Variants in AZI2 observed in about 807,000 individuals in gnomAD.
AZI2 encodes the protein 5-azacytidine induced 2, also known as 5-azacytidine-induced protein 2.
AZI2 carries 22 observed loss-of-function variants against 45.8 expected under a neutral mutation model. The ratio of observed to expected loss-of-function variants is 0.48; its 90% CI spans 0.34 to 0.69. The LOEUF is 0.69. Ranked by LOEUF, AZI2 falls within the 30% of genes least tolerant of loss-of-function variation. The pLI is 0.01. For missense variants in AZI2, 417 were observed against 441.5 expected (o/e 0.94, Z 0.50); for synonymous variants, 137 against 156.7 (o/e 0.87, Z 0.94).
At chr3:28,343,216 G>C (rs1030930178) in intron 1 of AZI2, among the ~76,000 whole-genome samples, 10 of 151,976 alleles carry the variant, frequency 6.6e-5, no homozygotes, top group Non-Finnish European at 1.5e-4. Flanking sequence ...GGTTTTCAAA[G>C]AAGATACCAC....
At position 28,340,264 on chromosome 3, in the gene AZI2, A is replaced by G. The variant is rs1440309553; in HGVS notation, c.216+138T>C. The G allele has an allele frequency of 1.8e-5, 11 of 623,172 alleles. 1 individual carries two copies. In the East Asian group the frequency reaches 3.1e-4, roughly 18 times the overall value. The allele number at this position is 623,172 out of a possible 1,614,324, so 38.6% of individuals were successfully genotyped here. A position where few individuals can be genotyped will look rare whatever the true frequency, so the allele number is the denominator to read the frequency against. On this transcript the variant is annotated intron_variant, in intron 2 of 7. Coordinates refer to ENST00000479665, the MANE Select transcript of AZI2 (RefSeq NM_022461.5). ...AACACAGGATAAGTATAATGCCCAGAGTTTTCAGATTAGCAGTGAGTTATT... is the reference window on the plus strand; with the variant it reads ...AACACAGGATAAGTATAATGCCCAGGGTTTTCAGATTAGCAGTGAGTTATT...
Position 28,337,932 on chromosome 3 carries a change from C to A in AZI2, c.439+5G>T. 1 of 1,510,278 alleles carries A rather than the reference C, an allele frequency of 6.6e-7. No individual in the cohort carries two copies. The highest frequency in any genetic ancestry group is 9.0e-7 in the Non-Finnish European group (1 of 1,114,284). 93.6% of individuals were successfully genotyped at this position (1,510,278 alleles called of 1,614,324 possible). A position where few individuals can be genotyped will look rare whatever the true frequency, so the allele number is the denominator to read the frequency against. The stretch of plus-strand genomic sequence containing the variant: ...TAGAATATTTATAACAAGTAACTGG[C>A]ATACCCTGCTGAGTTTCCACCTCTG... On this transcript the variant is annotated splice_donor_5th_base_variant and intron_variant, in intron 4 of 7. Transcript: ENST00000479665.
rs73825140 is a variant in AZI2 at position 28,348,002 on chromosome 3, A to G, written c.-6+599T>C. ...AGCAACTGATGGTTTGATTTGTACT[A>G]GAGTTTTCGTGGGTATTTTATCTCG... On this transcript the variant is annotated intron_variant, in intron 1 of 7. Transcript: ENST00000479665. Among the ~76,000 whole-genome samples, 445 of 152,286 alleles carry G rather than the reference A, an allele frequency of 2.9e-3. 1 individual carries two copies. The highest frequency in any genetic ancestry group is 9.9e-3 in the African/African-American group (413 of 41,564).
chr3:28,332,788 G>T (rs911495274), intron 5 of AZI2, among the ~76,000 whole-genome samples: 3 of 151,732 alleles, frequency 2.0e-5, no homozygotes, highest in African/African-American at 7.3e-5. Flanking sequence ...TATGGTATGG[G>T]TGAATGAATT....
rs1703234150 is a variant in AZI2, at chr3:28,322,967, T to G, written c.*1075A>C. Reference sequence around the variant, plus strand: ...CACCCTGAAAGAACTTAAATTTCCATGTGAAGCCATCTTTATTTCCTTCTT... The same window carrying G: ...CACCCTGAAAGAACTTAAATTTCCAGGTGAAGCCATCTTTATTTCCTTCTT... On this transcript the variant is annotated 3_prime_UTR_variant, in exon 8 of 8. Transcript: ENST00000479665. 6.6e-6 allele frequency: 1 copy of G among 151,160 alleles called. No individual in the cohort carries two copies. Among genetic ancestry groups the G allele is most frequent in the Admixed American group, 6.6e-5 (1 of 15,114 alleles). 9.4% of individuals were successfully genotyped at this position (151,160 alleles called of 1,614,324 possible).
rs1236569717 is a variant in AZI2, at chr3:28,323,359, T to A, written c.*683A>T. 1 of 150,438 alleles carries A rather than the reference T, an allele frequency of 6.6e-6. No homozygotes were observed. The highest frequency in any genetic ancestry group is 1.5e-5 in the Non-Finnish European group (1 of 67,002). The allele number at this position is 150,438 out of a possible 1,614,324, so 9.3% of individuals were successfully genotyped here. ...CAGAGTTTTTCAACTATTTCATTTT[T>A]TTTTTTTTTTTTCCCAATTAGGACT... On this transcript the variant is annotated 3_prime_UTR_variant, in exon 8 of 8. Transcript: ENST00000479665.
intron 5 of AZI2, among the ~76,000 whole-genome samples, chr3:28,333,858 A>G (rs548055720): frequency 6.6e-6 from 1 of 151,846 alleles, no homozygotes; most frequent in South Asian, 2.1e-4. Flanking sequence ...TTTCTATACT[A>G]TAGCAGAACC....
chr3:28,333,392 CAGG>C (rs1262277670), intron 5 of AZI2, among the ~76,000 whole-genome samples: 2 of 151,598 alleles, frequency 1.3e-5, no homozygotes, highest in African/African-American at 4.8e-5. Context: ...CCCACAGGTC[CAGG>C]AGGTTTGACC....
At chr3:28,331,221 T>C (rs1703558035) in intron 6 of AZI2, among the ~76,000 whole-genome samples, 2 of 151,396 alleles carry the variant, frequency 1.3e-5, no homozygotes, top group Non-Finnish European at 3.0e-5. Context: ...ATATTATTCA[T>C]TCTCTACTCC....
chr3:28,327,477 C>T (rs1365297823), intron 6 of AZI2, among the ~76,000 whole-genome samples: 1 of 150,902 alleles, frequency 6.6e-6, no homozygotes, highest in Non-Finnish European at 1.5e-5. Context: ...TTTGACTGGG[C>T]TGTCTCATAA....
intron 5 of AZI2, among the ~76,000 whole-genome samples, chr3:28,332,909 T>G (rs529415330): frequency 3.0e-4 from 45 of 151,920 alleles, no homozygotes; most frequent in Admixed American, 2.6e-3. Context: ...CATTTCCTCC[T>G]TCCACATGGA....
intron 1 of AZI2, among the ~76,000 whole-genome samples, chr3:28,343,868 T>A (rs1302503282): frequency 6.6e-6 from 1 of 152,078 alleles, no homozygotes; most frequent in East Asian, 1.9e-4. Flanking sequence ...ATTGATACAA[T>A]AATGTCACAT....
chr3:28,347,859 C>T (rs1704321181), intron 1 of AZI2, among the ~76,000 whole-genome samples: 1 of 152,184 alleles, frequency 6.6e-6, no homozygotes, highest in Non-Finnish European at 1.5e-5. Context: ...CTTGCTCAAT[C>T]CAATTTGAAA....
Position 28,322,547 on chromosome 3 carries a change from A to G in AZI2, c.*1495T>C, listed in dbSNP as rs1703218513. The G allele has an allele frequency of 6.6e-6, 1 of 151,614 alleles. No individual in the cohort carries two copies. Among genetic ancestry groups the G allele is most frequent in the Non-Finnish European group, 1.5e-5 (1 of 67,372 alleles). The allele number at this position is 151,614 out of a possible 1,614,324, so 9.4% of individuals were successfully genotyped here. ...ATACAGCCTATGCAGCCACATGAGA[A>G]ATAGTTTTTGCTGCTTTGTTATTAC... is the stretch of plus-strand genomic sequence containing the variant. On this transcript the variant is annotated 3_prime_UTR_variant, in exon 8 of 8. Transcript: ENST00000479665.
chr3:28,331,429 C>G (rs1015302165), intron 6 of AZI2, among the ~76,000 whole-genome samples: 2 of 151,614 alleles, frequency 1.3e-5, no homozygotes, highest in East Asian at 3.9e-4. Context: ...AATTGAAGTA[C>G]TGTTCAAATG....
rs1178587832 is a variant in AZI2 at position 28,325,805 on chromosome 3, G to C, written c.766+1027C>G. 2.0e-5 allele frequency among the ~76,000 whole-genome samples: 3 copies of C among 150,870 alleles called. No homozygotes were observed. The Admixed American group carries it at 2.0e-4, about 10-fold the overall frequency. On this transcript the variant is annotated intron_variant, in intron 7 of 7. Coordinates refer to ENST00000479665, the MANE Select transcript of AZI2 (RefSeq NM_022461.5). Reference sequence around the variant, plus strand: ...GTCTCATATATAACTCTGACCACTGGAAAACTCAAGGACAAAGTGAACCAA... The same window carrying C: ...GTCTCATATATAACTCTGACCACTGCAAAACTCAAGGACAAAGTGAACCAA...
chr3:28,341,854 C>T (rs1026160432), intron 1 of AZI2, among the ~76,000 whole-genome samples: 1 of 152,036 alleles, frequency 6.6e-6, no homozygotes, highest in Non-Finnish European at 1.5e-5. Flanking sequence ...TGGTTACTTA[C>T]TAATATCAGT....
chr3:28,330,567 C>T (rs1055900434), intron 6 of AZI2, among the ~76,000 whole-genome samples: 4 of 150,918 alleles, frequency 2.7e-5, no homozygotes, highest in African/African-American at 7.3e-5. Context: ...AATGATGAGG[C>T]GAAAAATAGA....
At chr3:28,326,138 T>C (rs1209342467) in intron 7 of AZI2, among the ~76,000 whole-genome samples, 2 of 151,122 alleles carry the variant, frequency 1.3e-5, no homozygotes, top group African/African-American at 4.8e-5. Flanking sequence ...TTTTCAGAAA[T>C]ATACCTGTTA....
Sources: allele counts gnomAD v4.1 joint callset (sites outside exome capture counted in the v4.1 genomes callset), GRCh38; gene constraint gnomAD v4.1.1; transcripts MANE v1.5; gene names NCBI Gene and HGNC (gene_info 2026-07-23, HGNC 2026-07-21).